GSG1: variants seen among roughly 807,000 people sequenced by gnomAD.
GSG1 encodes the protein germ cell associated 1.
GSG1 carries 28 observed loss-of-function variants against 30.8 expected under a neutral mutation model. The observed-to-expected ratio is 0.91, with a 90% confidence interval of 0.67 to 1.25. The LOEUF (loss-of-function observed/expected upper bound fraction) is 1.25. GSG1 is among the 50% of genes most tolerant of loss of function. GSG1 has a pLI of 0.00. For synonymous variants in GSG1, 162 were observed against 178.0 expected (o/e 0.91, Z 0.71); for missense variants, 435 against 444.7 (o/e 0.98, Z 0.20).
intron 1 of GSG1, among the ~76,000 whole-genome samples, chr12:13,098,589 T>A (rs1249014452): frequency 6.7e-6 from 1 of 150,014 alleles, no homozygotes; most frequent in Non-Finnish European, 1.5e-5. Context: ...TTAGCCAATG[T>A]TTCCTGATGA....
rs190543566 is a variant in GSG1 at position 13,090,126 on chromosome 12, C to T, written c.364+377G>A. Among the ~76,000 whole-genome samples, 775 of 152,328 alleles carry T rather than the reference C, an allele frequency of 5.1e-3. 6 individuals carry two copies. The highest frequency in any genetic ancestry group is 0.018 in the African/African-American group (735 of 41,562). On this transcript the variant is annotated intron_variant, in intron 2 of 6. Coordinates refer to ENST00000651961, the MANE Select transcript of GSG1 (RefSeq NM_001080555.4). ...TAGGGCTTTCCTACAATATTCCTCT[C>T]CCTTCGTTTTGTTTCTAAACAGCAA... is the stretch of plus-strand genomic sequence containing the variant.
chr12:13,095,540 C>T (rs560854367), intron 1 of GSG1: 2 of 1,516,658 alleles, frequency 1.3e-6, no homozygotes, highest in African/African-American at 2.7e-5. Flanking sequence ...CTTAAAAGAG[C>T]CAGGTACAAA....
At chr12:13,091,886 A>G (rs1317276238) in intron 1 of GSG1, among the ~76,000 whole-genome samples, 3 of 152,208 alleles carry the variant, frequency 2.0e-5, no homozygotes. Context: ...TTTTTCTCCT[A>G]TTAATCTGCC....
intron 6 of GSG1, 138 bp downstream of exon 6, chr12:13,087,014 G>T: frequency 1.6e-6 from 1 of 622,542 alleles, no homozygotes; most frequent in South Asian, 1.9e-5. Flanking sequence ...TGATGATGCA[G>T]CCCTGTGTGG....
rs903707332 is a variant in GSG1 at position 13,084,248 on chromosome 12, T to C, written c.*653A>G. The C allele has an allele frequency of 1.3e-5, 2 of 152,204 alleles. No individual in the cohort carries two copies. Among genetic ancestry groups the C allele is most frequent in the African/African-American group, 2.4e-5 (1 of 41,428 alleles). 9.4% of individuals were successfully genotyped at this position (152,204 alleles called of 1,614,324 possible). The stretch of plus-strand genomic sequence containing the variant: ...TGTCCAGAAGGGAACCACAGTCCAA[T>C]CTGAATAGCCTTGGTGGGCTATTTC... On this transcript the variant is annotated 3_prime_UTR_variant, in exon 7 of 7. Transcript: ENST00000651961.
chr12:13,090,991 C>A (rs767028592), intron 1 of GSG1, among the ~76,000 whole-genome samples, 173 bp from the exon 2 acceptor site: 5 of 152,144 alleles, frequency 3.3e-5, no homozygotes, highest in Non-Finnish European at 5.9e-5. Flanking sequence ...ATGGAAGCCC[C>A]GCTTCAGGAG....
At position 13,084,324 on chromosome 12, in the gene GSG1, A is replaced by C. The variant is rs139655850; in HGVS notation, c.*577T>G. ...TGTTGGCGCCTTCTCATGTTAAACC[A>C]CTCTCCTAAGGGCTCCTGGGACAAT... On this transcript the variant is annotated 3_prime_UTR_variant, in exon 7 of 7. Transcript: ENST00000651961. 6.6e-6 allele frequency: 1 copy of C among 152,122 alleles called. No homozygotes were observed. Among genetic ancestry groups the C allele is most frequent in the Non-Finnish European group, 1.5e-5 (1 of 68,156 alleles). The allele number at this position is 152,122 out of a possible 1,614,324, so 9.4% of individuals were successfully genotyped here. A position where few individuals can be genotyped will look rare whatever the true frequency, so the allele number is the denominator to read the frequency against.
rs1455454516 is a variant in GSG1, at chr12:13,093,461, A to T, written c.49-2643T>A. The stretch of plus-strand genomic sequence containing the variant: ...AGATGGATGCTTTGGGGCCTGGAGG[A>T]TAAAAGAGGGCAGTGAACCTACTGG... On this transcript the variant is annotated intron_variant, in intron 1 of 6. Coordinates refer to ENST00000651961, the MANE Select transcript of GSG1 (RefSeq NM_001080555.4). The surrounding 1 kb of genome is among the most constrained non-coding windows in gnomAD (Gnocchi z 4.6). Among the ~76,000 whole-genome samples, 1 of 152,206 alleles carries T rather than the reference A, an allele frequency of 6.6e-6. No individual in the cohort carries two copies. Among genetic ancestry groups the T allele is most frequent in the Non-Finnish European group, 1.5e-5 (1 of 68,038 alleles).
At chr12:13,089,875 A>C (rs1018405188) in intron 2 of GSG1, among the ~76,000 whole-genome samples, 30 of 152,086 alleles carry the variant, frequency 2.0e-4, no homozygotes, top group Non-Finnish European at 3.4e-4. Context: ...ACATGGAGAA[A>C]CCCTGTCTCT....
At chr12:13,088,930 C>T (rs375090125) in intron 3 of GSG1, 21 bp from the exon 4 acceptor site, 20 of 1,613,362 alleles carry the variant, frequency 1.2e-5, no homozygotes, top group Admixed American at 8.3e-5. Flanking sequence ...CAAGGTACAA[C>T]GTCATGGAGC....
rs1863206722 is a variant in GSG1 at position 13,101,566 on chromosome 12, G to C, written c.48+1899C>G. Reference sequence around the variant, plus strand: ...CGGGGCCACATGTGTCCCGGAGCTGGGCCGGGGCGCTAGGCCACCTGAGGC... The same window carrying C: ...CGGGGCCACATGTGTCCCGGAGCTGCGCCGGGGCGCTAGGCCACCTGAGGC... On this transcript the variant is annotated intron_variant, in intron 1 of 6. Transcript: ENST00000651961. This position sits in a 1 kb window ranked among gnomAD's most constrained non-coding sequence, Gnocchi z 5.8. Among the ~76,000 whole-genome samples, 1 of 152,238 alleles carries C rather than the reference G, an allele frequency of 6.6e-6. No homozygotes were observed. Among genetic ancestry groups the C allele is most frequent in the South Asian group, 2.1e-4 (1 of 4,832 alleles).
In GSG1 at chr12:13,085,024, G is replaced by A. The variant is rs1414473883; in HGVS notation, c.966C>T (p.Pro322=). ...CGACTCCCTCAGAGACAGAGTGGAT[G>A]GGCTGATTATGATACTGGTGGTAGC... ...LTSYHQYHNQ[P]IHSVSEGVDF... is the part of the protein sequence containing the mutation. The change falls in exon 7 of 7, where the codon CCC becomes CCT. Residue 322 remains proline (P), a synonymous_variant. Coordinates refer to ENST00000651961, the MANE Select transcript of GSG1 (RefSeq NM_001080555.4). The A allele has an allele frequency of 1.3e-6, 2 of 1,570,728 alleles. No individual in the cohort carries two copies. Among genetic ancestry groups the A allele is most frequent in the African/African-American group, 2.7e-5 (2 of 73,944 alleles).
intron 1 of GSG1, among the ~76,000 whole-genome samples, chr12:13,100,571 C>G (rs1863124363): frequency 6.6e-6 from 1 of 152,194 alleles, no homozygotes. Context: ...CTGGGTGGAC[C>G]CCTACTGATT....
Position 13,103,633 on chromosome 12 carries a change from T to A in GSG1, c.-121A>T, listed in dbSNP as rs556691984. On this transcript the variant is annotated 5_prime_UTR_variant, in exon 1 of 7. Coordinates refer to ENST00000651961, the MANE Select transcript of GSG1 (RefSeq NM_001080555.4). ...AGGTCCCCTCTTGCCAGCAGAGGGG[T>A]AAGGTGGTGTGTGGTGGATTGGAGA... 147 of 1,054,752 alleles carry A rather than the reference T, an allele frequency of 1.4e-4. No individual in the cohort carries two copies. In the African/African-American group the frequency reaches 1.9e-3, roughly 14 times the overall value. The allele number at this position is 1,054,752 out of a possible 1,614,324, so 65.3% of individuals were successfully genotyped here. A position where few individuals can be genotyped will look rare whatever the true frequency, so the allele number is the denominator to read the frequency against.
chr12:13,090,497 G>A lies in GSG1; in HGVS notation c.364+6C>T, dbSNP rs1865981236. On this transcript the variant is annotated splice_donor_region_variant and intron_variant, in intron 2 of 6. Transcript: ENST00000651961. ...CGTTGCTCTTATATCCCAGAATGTA[G>A]GCTACCTGGTTCTTCCACAGTTTCC... is the stretch of plus-strand genomic sequence containing the variant. 1 of 1,602,942 alleles carries A rather than the reference G, an allele frequency of 6.2e-7. No individual in the cohort carries two copies. Among genetic ancestry groups the A allele is most frequent in the African/African-American group, 1.3e-5 (1 of 74,714 alleles).
rs144704643 is a variant in GSG1 at position 13,090,687 on chromosome 12, C to A, written c.180G>T (p.Lys60Asn). ...YWFVGTQKVP[K>N]PLCEKGLAAK... ...CTGCCAGACCTTTCTCGCACAGGGG[C>A]TTGGGCACCTTCTGTGTGCCCACAA... Residue 60 changes from lysine (K) to asparagine (N), a missense_variant, in exon 2 of 7, where the codon AAG (lysine) becomes AAT (asparagine). Coordinates refer to ENST00000651961, the MANE Select transcript of GSG1 (RefSeq NM_001080555.4). 5 of 1,614,234 alleles carry A rather than the reference C, an allele frequency of 3.1e-6. No homozygotes were observed. Among genetic ancestry groups the A allele is most frequent in the South Asian group, 1.1e-5 (1 of 91,088 alleles).
In GSG1 at chr12:13,085,126, C is replaced by A; in HGVS notation, c.864G>T (p.Pro288=). Residue 288 remains proline, a synonymous_variant, in exon 7 of 7, where the codon CCG becomes CCT. Transcript: ENST00000651961. ...CKHSKSFKEN[P]NCLPHHHQCF... ...ACTGATGGTGATGTGGTAGGCAGTTCGGGTTTTCCTTGAAGCTCTTACTAT... is the reference window on the plus strand; with the variant it reads ...ACTGATGGTGATGTGGTAGGCAGTTAGGGTTTTCCTTGAAGCTCTTACTAT... 1 of 1,614,164 alleles carries A rather than the reference C, an allele frequency of 6.2e-7. No homozygotes were observed. The highest frequency in any genetic ancestry group is 1.1e-5 in the South Asian group (1 of 91,074).
intron 2 of GSG1, 145 bp from the exon 3 acceptor site, chr12:13,089,421 G>T: frequency 7.2e-7 from 1 of 1,382,294 alleles, no homozygotes; most frequent in Non-Finnish European, 9.7e-7. Context: ...AGTACCAGGT[G>T]CTTTCTTCCC....
At chr12:13,089,386 T>C (rs779795056) in intron 2 of GSG1, 110 bp from the exon 3 acceptor site, 47 of 1,522,822 alleles carry the variant, frequency 3.1e-5, no homozygotes, top group Middle Eastern at 2.3e-4. Flanking sequence ...AAATTGTTCA[T>C]GATTCTGGGC....
Sources: allele counts gnomAD v4.1 joint callset (sites outside exome capture counted in the v4.1 genomes callset), GRCh38; gene constraint gnomAD v4.1.1; non-coding constraint Gnocchi (gnomAD v3.1); transcripts MANE v1.5; gene names NCBI Gene and HGNC (gene_info 2026-07-23, HGNC 2026-07-21).